The following CPE variants were observed in gnomAD, a reference collection of about 807,000 sequenced individuals.
CPE encodes the protein carboxypeptidase E.
Under a neutral mutation model 53.5 loss-of-function variants are expected in CPE, and 17 were observed. That is an observed-to-expected ratio of 0.32 (90% CI 0.22 to 0.48). The LOEUF (loss-of-function observed/expected upper bound fraction) is 0.48, where lower values mean the gene tolerates loss of function less well. Among genes scored for constraint, CPE ranks in the 20% least tolerant of loss-of-function variants. The probability of loss-of-function intolerance (pLI) is 0.99; values close to 1 mark genes in which losing one functional copy is unlikely to be tolerated. For synonymous variants in CPE, 226 were observed against 228.8 expected (o/e 0.99, Z 0.11); for missense variants, 524 against 614.7 (o/e 0.85, Z 1.56).
intron 6 of CPE, among the ~76,000 whole-genome samples, 159 bp from the exon 7 acceptor site, chr4:165,493,012 A>G (rs2126717669): frequency 6.6e-6 from 1 of 152,334 alleles, no homozygotes; most frequent in South Asian, 2.1e-4. Context: ...AAATGCACAA[A>G]AAATTCAGTG....
Position 165,488,628 on chromosome 4 carries a change from G to A in CPE, c.1113+1051G>A, listed in dbSNP as rs140173613. The stretch of plus-strand genomic sequence containing the variant: ...TGTTAGTTTCATGTGCCAACAAATA[G>A]TCCAGACCAATCTGTTAAACTAATT... On this transcript the variant is annotated intron_variant, in intron 6 of 8. Coordinates refer to ENST00000402744, the MANE Select transcript of CPE (RefSeq NM_001873.4). Among the ~76,000 whole-genome samples, 6 of 152,258 alleles carry A rather than the reference G, an allele frequency of 3.9e-5. No individual in the cohort carries two copies. The East Asian group carries it at 1.2e-3, about 29-fold the overall frequency.
At position 165,446,719 on chromosome 4, in the gene CPE, C is replaced by T. The variant is rs114827805; in HGVS notation, c.308-17671C>T. On this transcript the variant is annotated intron_variant, in intron 1 of 8. Transcript: ENST00000402744. ...TGGCCTTAGAATGAGTAAACAAACC[C>T]TTTCACACATTACGAAGGGGGGTGT... Among the ~76,000 whole-genome samples the T allele has an allele frequency of 7.5e-3, 1,146 of 152,266 alleles. 10 individuals carry two copies. Among genetic ancestry groups the T allele is most frequent in the African/African-American group, 0.026 (1,065 of 41,556 alleles).
At chr4:165,476,794 A>AT in intron 3 of CPE, among the ~76,000 whole-genome samples, 1 of 152,268 alleles carries the variant, frequency 6.6e-6, no homozygotes, top group South Asian at 2.1e-4. Context: ...GCAGAACCTG[A>AT]TAAGTGAGTG....
At chr4:165,458,226 A>G (rs1179833058) in intron 1 of CPE, among the ~76,000 whole-genome samples, 3 of 152,194 alleles carry the variant, frequency 2.0e-5, no homozygotes, top group Admixed American at 6.5e-5. Context: ...TGAGGCTTAT[A>G]TAGCCACTTG....
At chr4:165,451,151 T>A (rs1579267434) in intron 1 of CPE, among the ~76,000 whole-genome samples, 1 of 152,298 alleles carries the variant, frequency 6.6e-6, no homozygotes, top group East Asian at 1.9e-4. Flanking sequence ...TCACGTGACA[T>A]CCAAATTTGA....
At chr4:165,385,420 T>G (rs1730574989) in intron 1 of CPE, among the ~76,000 whole-genome samples, 1 of 144,562 alleles carries the variant, frequency 6.9e-6, no homozygotes, top group Admixed American at 7.1e-5. Context: ...TCTTACTGTT[T>G]TATTTTTGTT....
rs75536948 is a variant in CPE, at chr4:165,477,626, T to C, written c.673-4616T>C. Reference sequence around the variant, plus strand: ...TCTGTATTTGTATCCCTTATAGAGGTTCTTAAATGTCAAGATTTATTCTTC... The same window carrying C: ...TCTGTATTTGTATCCCTTATAGAGGCTCTTAAATGTCAAGATTTATTCTTC... On this transcript the variant is annotated intron_variant, in intron 3 of 8. Coordinates refer to ENST00000402744, the MANE Select transcript of CPE (RefSeq NM_001873.4). Among the ~76,000 whole-genome samples the C allele has an allele frequency of 6.3e-3, 962 of 152,216 alleles. 6 individuals are homozygous for C. Among genetic ancestry groups the C allele is most frequent in the African/African-American group, 0.022 (917 of 41,530 alleles).
At chr4:165,481,278 A>G (rs1732407202) in intron 3 of CPE, among the ~76,000 whole-genome samples, 2 of 152,194 alleles carry the variant, frequency 1.3e-5, no homozygotes, top group South Asian at 4.1e-4. Context: ...TGAAATGGGT[A>G]TGAATATCTT....
chr4:165,496,534 G>A (rs373737120), intron 8 of CPE, among the ~76,000 whole-genome samples: 57 of 152,150 alleles, frequency 3.7e-4, no homozygotes, highest in African/African-American at 1.3e-3. Context: ...GTTAGTGCAA[G>A]GATATAGTCA....
chr4:165,456,739 ATTTTTTTT>A (rs35855408), intron 1 of CPE, among the ~76,000 whole-genome samples: 5 of 101,196 alleles, frequency 4.9e-5, no homozygotes, highest in African/African-American at 2.1e-4. Context: ...TGCCCAGCTA[ATTTTTTTT>A]TTTTTTTTTT....
At chr4:165,424,787 G>T (rs74602566) in intron 1 of CPE, among the ~76,000 whole-genome samples, 44,770 of 151,764 alleles carry the variant, frequency 0.29, 6,659 homozygotes, top group Middle Eastern at 0.39. Flanking sequence ...ACCTGCCTCG[G>T]CCTCCCAAAG....
intron 1 of CPE, among the ~76,000 whole-genome samples, chr4:165,407,090 C>G (rs190577405): frequency 2.0e-5 from 3 of 152,178 alleles, no homozygotes; most frequent in African/African-American, 7.2e-5. Flanking sequence ...GTGTTTATTT[C>G]TTTTAGGTAT....
intron 1 of CPE, among the ~76,000 whole-genome samples, chr4:165,435,819 C>A (rs1028511209): frequency 6.6e-6 from 1 of 152,166 alleles, no homozygotes; most frequent in Non-Finnish European, 1.5e-5. Flanking sequence ...TCCAAGAAGG[C>A]TTTACCCTAT....
intron 1 of CPE, among the ~76,000 whole-genome samples, chr4:165,454,809 C>T (rs144434395): frequency 3.7e-3 from 557 of 152,338 alleles, no homozygotes; most frequent in African/African-American, 0.013. Context: ...CATTTATTTA[C>T]AACCATGATT....
At chr4:165,476,187 A>T (rs1732296075) in intron 3 of CPE, among the ~76,000 whole-genome samples, 1 of 152,176 alleles carries the variant, frequency 6.6e-6, no homozygotes, top group Non-Finnish European at 1.5e-5. Flanking sequence ...AGCAGGAATA[A>T]AAGGAAGTAA....
chr4:165,480,563 A>C (rs1162954023), intron 3 of CPE, among the ~76,000 whole-genome samples: 4 of 152,208 alleles, frequency 2.6e-5, no homozygotes, highest in Non-Finnish European at 5.9e-5. Flanking sequence ...GAGTGGCCTC[A>C]TGCTGTTCCC....
At chr4:165,437,645 T>G (rs1731531475) in intron 1 of CPE, among the ~76,000 whole-genome samples, 1 of 152,080 alleles carries the variant, frequency 6.6e-6, no homozygotes, top group African/African-American at 2.4e-5. Flanking sequence ...AATATGCAAA[T>G]TCAGGACAAT....
At chr4:165,389,548 T>A (rs960364452) in intron 1 of CPE, among the ~76,000 whole-genome samples, 1 of 152,220 alleles carries the variant, frequency 6.6e-6, no homozygotes, top group Non-Finnish European at 1.5e-5. Flanking sequence ...CCTTCTGAGA[T>A]AGGTTACAAC....
chr4:165,440,467 C>T lies in CPE; in HGVS notation c.308-23923C>T, dbSNP rs1731589948. On this transcript the variant is annotated intron_variant, in intron 1 of 8. Coordinates refer to ENST00000402744, the MANE Select transcript of CPE (RefSeq NM_001873.4). ...TCTCACAACCCCACCCCCCCCCACA[C>T]ACACAAGCTGTGGTTTCTGGAACAG... 1.6e-5 allele frequency among the ~76,000 whole-genome samples: 2 copies of T among 127,360 alleles called. 1 individual carries two copies. Among genetic ancestry groups the T allele is most frequent in the African/African-American group, 6.3e-5 (2 of 31,604 alleles). The allele number at this position is 127,360 out of a possible 152,430, so 83.6% of individuals were successfully genotyped here. A position where few individuals can be genotyped will look rare whatever the true frequency, so the allele number is the denominator to read the frequency against.
Sources: gnomAD v4.1 joint callset for allele counts (sites outside exome capture counted in the v4.1 genomes callset) on GRCh38, gnomAD v4.1.1 for gene constraint, MANE v1.5 for transcripts, NCBI Gene and HGNC (gene_info 2026-07-23, HGNC 2026-07-21) for gene names.